The following SOX5 variants were observed in gnomAD, a reference collection of about 807,000 sequenced individuals.
The protein encoded by SOX5 is transcription factor SOX-5.
SOX5 carries 9 observed loss-of-function variants against 92.0 expected under a neutral mutation model. The observed-to-expected ratio is 0.10, with a 90% CI of 0.06 to 0.17. SOX5 has a LOEUF of 0.17. Among genes scored for constraint, SOX5 ranks in the 10% least tolerant of loss-of-function variants. SOX5 has a pLI of 1.00. For missense variants in SOX5, 642 were observed against 944.5 expected (o/e 0.68, Z 4.20); for synonymous variants, 344 against 336.3 (o/e 1.02, Z -0.25).
intron 11 of SOX5, among the ~76,000 whole-genome samples, chr12:23,559,697 G>T (rs1481788002): frequency 6.6e-6 from 1 of 152,178 alleles, no homozygotes; most frequent in Non-Finnish European, 1.5e-5. Flanking sequence ...AAGTTAATGT[G>T]TATAAGGCTG....
chr12:23,803,613 C>T (rs1472082319), intron 3 of SOX5, among the ~76,000 whole-genome samples: 1 of 152,038 alleles, frequency 6.6e-6, no homozygotes, highest in African/African-American at 2.4e-5. Flanking sequence ...CTGTATTAGC[C>T]TAGGAACACA....
upstream of SOX5, chr12:23,950,794 G>C (rs1945492371): frequency 2.9e-6 from 4 of 1,375,322 alleles, no homozygotes; most frequent in Non-Finnish European, 4.0e-6. Flanking sequence ...TCTGGCAGCC[G>C]AGAAAGGTAA....
intron 3 of SOX5, among the ~76,000 whole-genome samples, chr12:23,771,526 A>T (rs1175694092): frequency 1.3e-5 from 2 of 152,238 alleles, no homozygotes; most frequent in African/African-American, 4.8e-5. Flanking sequence ...CCAATTATAC[A>T]ACCGCTGACT....
At chr12:24,128,426 T>C (rs1037933080) in intron 4 of SOX5, among the ~76,000 whole-genome samples, 2 of 152,164 alleles carry the variant, frequency 1.3e-5, no homozygotes, top group Non-Finnish European at 2.9e-5. Flanking sequence ...AATACTGTAA[T>C]TGTAAGCATA....
At chr12:24,013,347 G>T (rs1305306118) in intron 4 of SOX5, among the ~76,000 whole-genome samples, 1 of 152,094 alleles carries the variant, frequency 6.6e-6, no homozygotes, top group Non-Finnish European at 1.5e-5. Flanking sequence ...TAAAAAAGAG[G>T]TATTGAGAAC....
intron 13 of SOX5, among the ~76,000 whole-genome samples, chr12:23,537,446 C>CTA (rs775609441): frequency 1.3e-5 from 2 of 152,116 alleles, no homozygotes; most frequent in Non-Finnish European, 2.9e-5. Flanking sequence ...TTAAATTGTG[C>CTA]TATAATGTAT....
intron 4 of SOX5, among the ~76,000 whole-genome samples, chr12:24,034,808 T>C (rs1407352009): frequency 6.6e-6 from 1 of 152,142 alleles, no homozygotes; most frequent in African/African-American, 2.4e-5. Context: ...TACTATTTGA[T>C]GGATTAGAAG....
intron 2 of SOX5, among the ~76,000 whole-genome samples, chr12:24,333,761 T>C (rs142229396): frequency 6.6e-6 from 1 of 152,034 alleles, no homozygotes; most frequent in African/African-American, 2.4e-5. Flanking sequence ...TATTGTTAGT[T>C]AACTTTTTTG....
chr12:23,831,956 C>CCACACACA (rs1568152842), intron 3 of SOX5, among the ~76,000 whole-genome samples: 71 of 8,620 alleles, frequency 8.2e-3, no homozygotes, highest in African/African-American at 0.029. Context: ...GAAAGGGGAA[C>CCACACACA]TACACACACA....
intron 3 of SOX5, among the ~76,000 whole-genome samples, chr12:24,222,771 A>T (rs1960797008): frequency 6.6e-6 from 1 of 152,242 alleles, no homozygotes; most frequent in Non-Finnish European, 1.5e-5. Context: ...CAATTAGATT[A>T]TGCTAAGAAA....
chr12:24,032,839 A>G (rs1955645866), intron 4 of SOX5, among the ~76,000 whole-genome samples: 1 of 151,932 alleles, frequency 6.6e-6, no homozygotes, highest in Admixed American at 6.6e-5. Context: ...ATTTTCAATT[A>G]AATTACTTTC....
In SOX5 at chr12:23,602,655, A is replaced by G. The variant is rs374148584; in HGVS notation, c.1164+1732T>C. The stretch of plus-strand genomic sequence containing the variant: ...CGAAACATGATGTGAAATCACATCA[A>G]TAAATCAAGGGAAAAAACAGAGAAT... On this transcript the variant is annotated intron_variant, in intron 9 of 14. Transcript: ENST00000451604. Among the ~76,000 whole-genome samples, 176 of 152,218 alleles carry G rather than the reference A, an allele frequency of 1.2e-3. 2 individuals carry two copies. The South Asian group carries it at 0.025, about 22-fold the overall frequency.
chr12:24,211,630 T>A (rs577431620), intron 4 of SOX5, among the ~76,000 whole-genome samples: 1 of 152,246 alleles, frequency 6.6e-6, no homozygotes, highest in Non-Finnish European at 1.5e-5. Context: ...CAATGTAGTA[T>A]ACAGAATGAT....
chr12:23,649,793 G>T (rs1282391872), intron 7 of SOX5, among the ~76,000 whole-genome samples: 1 of 152,022 alleles, frequency 6.6e-6, no homozygotes, highest in African/African-American at 2.4e-5. Context: ...ATACTATGAA[G>T]AATTCATCTC....
chr12:23,766,185 C>T (rs1302261197), intron 3 of SOX5, among the ~76,000 whole-genome samples: 1 of 152,140 alleles, frequency 6.6e-6, no homozygotes, highest in Non-Finnish European at 1.5e-5. Flanking sequence ...GTTAAACCTG[C>T]TATAAAAATT....
chr12:24,411,625 C>T (rs1964101241), intron 1 of SOX5, among the ~76,000 whole-genome samples: 1 of 152,142 alleles, frequency 6.6e-6, no homozygotes, highest in Admixed American at 6.5e-5. Context: ...TTTTCATATA[C>T]TGAGCCAGCC....
chr12:23,720,615 A>G (rs1447397736), intron 6 of SOX5, among the ~76,000 whole-genome samples: 1 of 151,902 alleles, frequency 6.6e-6, no homozygotes, highest in Non-Finnish European at 1.5e-5. Context: ...ATGATCTTTA[A>G]AAAAAAATAC....
At chr12:23,977,466 T>A (rs937219478) in intron 4 of SOX5, among the ~76,000 whole-genome samples, 2 of 152,116 alleles carry the variant, frequency 1.3e-5, no homozygotes, top group Non-Finnish European at 2.9e-5. Context: ...GGCCAGGAGT[T>A]CAAGGTGAGC....
At chr12:24,226,262 A>C (rs1269015406) in intron 3 of SOX5, among the ~76,000 whole-genome samples, 1 of 152,038 alleles carries the variant, frequency 6.6e-6, no homozygotes, top group Non-Finnish European at 1.5e-5. Flanking sequence ...CACAATATAC[A>C]TTATTATTTT....
Sources: allele counts gnomAD v4.1 joint callset (sites outside exome capture counted in the v4.1 genomes callset), GRCh38; gene constraint gnomAD v4.1.1; transcripts MANE v1.5; gene names NCBI Gene and HGNC (gene_info 2026-07-23, HGNC 2026-07-21).